Variants in NUDT3 observed in about 807,000 individuals in gnomAD.
The protein encoded by NUDT3 is diphosphoinositol polyphosphate phosphohydrolase 1.
A neutral mutation model predicts 23.6 loss-of-function variants in NUDT3; 9 were observed. The ratio of observed to expected loss-of-function variants is 0.38; its 90% CI spans 0.23 to 0.66. The LOEUF (loss-of-function observed/expected upper bound fraction) is 0.66. NUDT3 is among the 30% of genes least tolerant of loss of function. NUDT3 has a pLI of 0.52. For synonymous variants in NUDT3, 86 were observed against 82.6 expected, an observed-to-expected ratio of 1.04 and a Z score of -0.22; for missense variants, 172 against 218.5, an observed-to-expected ratio of 0.79 and a Z score of 1.34.
chr6:34,289,087 A>G (rs916436693), intron 4 of NUDT3, among the ~76,000 whole-genome samples, 156 bp from the exon 5 acceptor site: 1 of 152,226 alleles, frequency 6.6e-6, no homozygotes, highest in African/African-American at 2.4e-5. Flanking sequence ...TTCAAATATT[A>G]TATCAATGTC....
At chr6:34,379,414 G>C (rs928937256) in intron 1 of NUDT3, among the ~76,000 whole-genome samples, 1 of 151,866 alleles carries the variant, frequency 6.6e-6, no homozygotes, top group African/African-American at 2.4e-5. Flanking sequence ...ACAAAAATTA[G>C]CTGGGCGTGT....
chr6:34,292,614 T>TA (rs780792409), intron 4 of NUDT3, among the ~76,000 whole-genome samples: 1 of 148,420 alleles, frequency 6.7e-6, no homozygotes, highest in Admixed American at 6.6e-5. Flanking sequence ...TGAAAAAATA[T>TA]AAAAATATAT....
intron 1 of NUDT3, among the ~76,000 whole-genome samples, chr6:34,358,886 TAGAA>T (rs138073392): frequency 6.6e-6 from 1 of 152,294 alleles, no homozygotes; most frequent in Non-Finnish European, 1.5e-5. Flanking sequence ...AAAATTAAGA[TAGAA>T]AGATAGTTAT....
chr6:34,372,594 C>G (rs1764848671), intron 1 of NUDT3, among the ~76,000 whole-genome samples: 1 of 151,814 alleles, frequency 6.6e-6, no homozygotes, highest in African/African-American at 2.4e-5. Flanking sequence ...CATCTGAGGT[C>G]ACGAGTTCGA....
rs939356030 is a variant in NUDT3 at position 34,285,340 on chromosome 6, G to A, written c.*3413C>T. 6.6e-6 allele frequency: 1 copy of A among 152,200 alleles called. No homozygotes were observed. Among genetic ancestry groups the A allele is most frequent in the African/African-American group, 2.4e-5 (1 of 41,452 alleles). 9.4% of individuals were successfully genotyped at this position (152,200 alleles called of 1,614,324 possible). A position where few individuals can be genotyped will look rare whatever the true frequency, so the allele number is the denominator to read the frequency against. ...CACACACACCCAGAGAGAAGACAGA[G>A]AGAAAATCCTGGTCCAAAAGATCAC... is the stretch of plus-strand genomic sequence containing the variant. On this transcript the variant is annotated 3_prime_UTR_variant, in exon 5 of 5. Coordinates refer to ENST00000607016, the MANE Select transcript of NUDT3 (RefSeq NM_006703.4).
At chr6:34,298,023 G>A (rs978874340) in intron 2 of NUDT3, among the ~76,000 whole-genome samples, 24 of 151,546 alleles carry the variant, frequency 1.6e-4, no homozygotes, top group Non-Finnish European at 3.1e-4. Context: ...CAAACTTTTA[G>A]GGCACAAATC....
chr6:34,390,582 G>C (rs1765182419), intron 1 of NUDT3, among the ~76,000 whole-genome samples: 1 of 151,994 alleles, frequency 6.6e-6, no homozygotes, highest in African/African-American at 2.4e-5. Context: ...TGGCCAGGTT[G>C]GTCTCGAACT....
chr6:34,343,785 A>C (rs538494207), intron 1 of NUDT3, among the ~76,000 whole-genome samples: 3 of 152,310 alleles, frequency 2.0e-5, no homozygotes, highest in African/African-American at 4.8e-5. Flanking sequence ...CAAAGGACAT[A>C]ATCAGGAATG....
At chr6:34,318,135 C>T (rs1343927789) in intron 2 of NUDT3, among the ~76,000 whole-genome samples, 3 of 152,038 alleles carry the variant, frequency 2.0e-5, no homozygotes, top group Non-Finnish European at 2.9e-5. Flanking sequence ...CAATATAGAA[C>T]GGAATTTCAG....
At chr6:34,292,640 A>G (rs898518052) in intron 4 of NUDT3, among the ~76,000 whole-genome samples, 21 of 151,890 alleles carry the variant, frequency 1.4e-4, no homozygotes, top group African/African-American at 4.8e-4. Context: ...AGATATATTC[A>G]TATTTTATAA....
intron 1 of NUDT3, among the ~76,000 whole-genome samples, chr6:34,355,834 G>T (rs140795949): frequency 1.3e-5 from 2 of 152,212 alleles, no homozygotes; most frequent in African/African-American, 4.8e-5. Context: ...AAGGGTTTGG[G>T]GAACTTCCAG....
At chr6:34,388,159 G>A (rs1308908714) in intron 1 of NUDT3, among the ~76,000 whole-genome samples, 1 of 152,074 alleles carries the variant, frequency 6.6e-6, no homozygotes, top group African/African-American at 2.4e-5. Flanking sequence ...ATACCATATA[G>A]CCTACATGTG....
Position 34,322,393 on chromosome 6 carries a change from C to T in NUDT3, c.210+19469G>A, listed in dbSNP as rs779491171. Among the ~76,000 whole-genome samples, 55 of 152,286 alleles carry T rather than the reference C, an allele frequency of 3.6e-4. 1 individual carries two copies. The highest frequency in any genetic ancestry group is 3.4e-3 in the Middle Eastern group (1 of 294). The stretch of plus-strand genomic sequence containing the variant: ...TATAGGCACCCGCCACCACGCACAG[C>T]TAATTTTTTGTATTTTTAGTAGAGA... On this transcript the variant is annotated intron_variant, in intron 2 of 4. Coordinates refer to ENST00000607016, the MANE Select transcript of NUDT3 (RefSeq NM_006703.4).
In NUDT3 at chr6:34,392,345, C is replaced by A; in HGVS notation, c.18G>T (p.Ser6=). 6.2e-7 allele frequency: 1 copy of A among 1,604,498 alleles called. No individual in the cohort carries two copies. Among genetic ancestry groups the A allele is most frequent in the South Asian group, 1.1e-5 (1 of 90,332 alleles). ...CGCCGTCGTAGGTGCGGGTCTGGTT[C>A]GACTTGAGCTTCATCATCCTCCGGG... MMKLK[S]NQTRTYDGDG... Residue 6 remains serine, a synonymous_variant, in exon 1 of 5, where the codon TCG becomes TCT. Coordinates refer to ENST00000607016, the MANE Select transcript of NUDT3 (RefSeq NM_006703.4).
chr6:34,305,805 T>C (rs145746779), intron 2 of NUDT3, among the ~76,000 whole-genome samples: 393 of 152,354 alleles, frequency 2.6e-3, no homozygotes, highest in African/African-American at 8.9e-3. Flanking sequence ...TTTTTTTGTT[T>C]CCAAACCTGT....
chr6:34,367,929 G>A (rs1439071825), intron 1 of NUDT3, among the ~76,000 whole-genome samples: 2 of 152,198 alleles, frequency 1.3e-5, no homozygotes, highest in African/African-American at 2.4e-5. Context: ...TTGGCCAGGC[G>A]CAGTGGCTCA....
At chr6:34,377,204 A>C (rs1484810382) in intron 1 of NUDT3, among the ~76,000 whole-genome samples, 3 of 152,132 alleles carry the variant, frequency 2.0e-5, no homozygotes, top group Non-Finnish European at 4.4e-5. Flanking sequence ...CACTTGTTCA[A>C]CTGTACTGAA....
chr6:34,373,292 A>G, intron 1 of NUDT3, among the ~76,000 whole-genome samples: 1 of 103,368 alleles, frequency 9.7e-6, no homozygotes, highest in Non-Finnish European at 1.7e-5. Context: ...AAAAAAAAAA[A>G]AGTGTATACA....
rs902200561 is a variant in NUDT3, at chr6:34,283,742, G to C, written c.*5011C>G. 6.6e-6 allele frequency: 1 copy of C among 152,182 alleles called. No homozygotes were observed. Among genetic ancestry groups the C allele is most frequent in the Non-Finnish European group, 1.5e-5 (1 of 68,032 alleles). The allele number at this position is 152,182 out of a possible 1,614,324, so 9.4% of individuals were successfully genotyped here. A position where few individuals can be genotyped will look rare whatever the true frequency, so the allele number is the denominator to read the frequency against. On this transcript the variant is annotated 3_prime_UTR_variant, in exon 5 of 5. Coordinates refer to ENST00000607016, the MANE Select transcript of NUDT3 (RefSeq NM_006703.4). ...AAAGGAGAGTATGCCTAAACTCTCT[G>C]GGCTCCCAGGACCTGTGGTGACCTC...
Sources: gnomAD v4.1 joint callset for allele counts (sites outside exome capture counted in the v4.1 genomes callset) on GRCh38, gnomAD v4.1.1 for gene constraint, MANE v1.5 for transcripts, NCBI Gene and HGNC (gene_info 2026-07-23, HGNC 2026-07-21) for gene names.